The following MAST4 variants were observed in gnomAD, a reference collection of about 807,000 sequenced individuals.
MAST4 encodes microtubule-associated serine/threonine-protein kinase 4.
MAST4 carries 89 observed loss-of-function variants against 162.7 expected under a neutral mutation model. That is an observed-to-expected ratio of 0.55 (90% CI 0.46 to 0.65). MAST4 has a LOEUF of 0.65. MAST4 is among the 30% of genes least tolerant of loss of function. MAST4 has a pLI of 0.00. For synonymous variants in MAST4, 1,479 were observed against 1,361.1 expected, an observed-to-expected ratio of 1.09 and a Z score of -1.91; for missense variants, 3,153 against 3,374.0, an observed-to-expected ratio of 0.93 and a Z score of 1.62.
intron 4 of MAST4, among the ~76,000 whole-genome samples, chr5:67,021,288 G>A (rs1271371782): frequency 1.3e-5 from 2 of 152,124 alleles, no homozygotes; most frequent in Non-Finnish European, 2.9e-5. Flanking sequence ...TGAATTGAAT[G>A]TTGTGCATGT....
intron 1 of MAST4, among the ~76,000 whole-genome samples, chr5:66,693,700 TAAAC>T (rs1242552431): frequency 6.6e-6 from 1 of 151,946 alleles, no homozygotes; most frequent in Non-Finnish European, 1.5e-5. Flanking sequence ...TTAAGATTAT[TAAAC>T]AAAGAGCTAG....
intron 3 of MAST4, among the ~76,000 whole-genome samples, chr5:66,833,040 C>A (rs1757723202): frequency 6.6e-6 from 1 of 152,030 alleles, no homozygotes; most frequent in Non-Finnish European, 1.5e-5. Context: ...ATTTCCTGAT[C>A]CTTAGGGGAT....
chr5:66,625,408 C>T (rs539421940), intron 1 of MAST4, among the ~76,000 whole-genome samples: 2 of 152,260 alleles, frequency 1.3e-5, no homozygotes, highest in South Asian at 2.1e-4. Context: ...GGGATATAAC[C>T]CTTGTTGAGT....
chr5:66,955,161 G>C (rs1046296669), intron 4 of MAST4, among the ~76,000 whole-genome samples: 1 of 150,196 alleles, frequency 6.7e-6, no homozygotes. Context: ...GCAGTGAGCC[G>C]TAATAGTGCC....
intron 3 of MAST4, among the ~76,000 whole-genome samples, chr5:66,882,403 G>T (rs1481777984): frequency 6.6e-6 from 1 of 151,966 alleles, no homozygotes; most frequent in African/African-American, 2.4e-5. Context: ...CAGATCTTAG[G>T]CGTTCTTTAT....
In MAST4 at chr5:67,064,475, G is replaced by C. The variant is rs1250795957; in HGVS notation, c.763+9983G>C. ...CAGCATGTGCCCTAATGCAAGTCAA[G>C]GATTACTTTCCCCCAAAAGAGGGAG... On this transcript the variant is annotated intron_variant, in intron 5 of 28. Transcript: ENST00000403625. 2.0e-5 allele frequency among the ~76,000 whole-genome samples: 3 copies of C among 152,152 alleles called. No homozygotes were observed. The East Asian group carries it at 5.8e-4, about 29-fold the overall frequency.
intron 3 of MAST4, among the ~76,000 whole-genome samples, chr5:66,843,479 A>G (rs1167353498): frequency 1.3e-5 from 2 of 152,152 alleles, no homozygotes; most frequent in Admixed American, 6.5e-5. Flanking sequence ...TTTCTTAGCC[A>G]GATCCAAGAC....
At chr5:67,008,765 T>A (rs1170551629) in intron 4 of MAST4, among the ~76,000 whole-genome samples, 1 of 152,218 alleles carries the variant, frequency 6.6e-6, no homozygotes, top group African/African-American at 2.4e-5. Flanking sequence ...TTTTGGTAGT[T>A]GTTTTTTGCA....
intron 4 of MAST4, 49 bp downstream of exon 4, chr5:66,900,031 T>C (rs1424901875): frequency 7.8e-7 from 1 of 1,274,060 alleles, no homozygotes; most frequent in Middle Eastern, 2.7e-4. Flanking sequence ...TAATATATAG[T>C]TTATAGTATG....
chr5:67,038,755 G>T (rs1363113978), intron 4 of MAST4, among the ~76,000 whole-genome samples: 2 of 152,042 alleles, frequency 1.3e-5, no homozygotes, highest in Non-Finnish European at 2.9e-5. Context: ...AAATGAAAAT[G>T]ATTTCTTATT....
chr5:67,048,500 TA>T (rs1475833927), intron 4 of MAST4, among the ~76,000 whole-genome samples: 1 of 152,160 alleles, frequency 6.6e-6, no homozygotes, highest in Non-Finnish European at 1.5e-5. Context: ...AGTAACATAT[TA>T]AAACAGGTTC....
intron 1 of MAST4, among the ~76,000 whole-genome samples, chr5:66,608,571 G>A (rs559344153): frequency 6.6e-6 from 1 of 151,722 alleles, no homozygotes; most frequent in African/African-American, 2.4e-5. Context: ...AAGTGTTGAG[G>A]GTACTGTCTC....
intron 4 of MAST4, among the ~76,000 whole-genome samples, chr5:66,977,686 G>A (rs1006002854): frequency 2.0e-5 from 3 of 152,142 alleles, no homozygotes; most frequent in Non-Finnish European, 4.4e-5. Context: ...GTTTACATTA[G>A]CTGTTGTTTC....
At chr5:66,832,306 T>C (rs1757661529) in intron 3 of MAST4, among the ~76,000 whole-genome samples, 1 of 152,192 alleles carries the variant, frequency 6.6e-6, no homozygotes, top group African/African-American at 2.4e-5. Flanking sequence ...TATGATGCAG[T>C]TAAACATCAA....
At chr5:67,087,298 G>T (rs1763347500) in intron 5 of MAST4, among the ~76,000 whole-genome samples, 1 of 152,106 alleles carries the variant, frequency 6.6e-6, no homozygotes, top group Admixed American at 6.6e-5. Context: ...TTGCCCACCA[G>T]AATATCCTTT....
At position 66,759,864 on chromosome 5, in the gene MAST4, T is replaced by C. The variant is rs766900959; in HGVS notation, c.517+2T>C. 6.2e-7 allele frequency: 1 copy of C among 1,613,592 alleles called. No individual in the cohort carries two copies. Among genetic ancestry groups the C allele is most frequent in the Non-Finnish European group, 8.5e-7 (1 of 1,179,736 alleles). Reference sequence around the variant, plus strand: ...GGAGCCTGGGAGGAGCCCTGACTGGTGAGTCGCAGCGGCTTGGATGAGAGA... The same window carrying C: ...GGAGCCTGGGAGGAGCCCTGACTGGCGAGTCGCAGCGGCTTGGATGAGAGA... On this transcript the variant is annotated splice_donor_variant, in intron 2 of 28. Coordinates refer to ENST00000403625, the MANE Select transcript of MAST4 (RefSeq NM_001164664.2). LOFTEE classifies it high-confidence loss of function.
rs757679298 is a variant in MAST4, at chr5:67,165,875, C to T, written c.6696C>T (p.Leu2232=). 5.6e-6 allele frequency: 9 copies of T among 1,613,246 alleles called. No individual in the cohort carries two copies. Among genetic ancestry groups the T allele is most frequent in the African/African-American group, 5.3e-5 (4 of 74,952 alleles). ...GCAAAGAGCCTGCCACTCAGTCCCTCGGTGGCTCTAGCAGAGAGGGGAAGG... is the reference window on the plus strand; with the variant it reads ...GCAAAGAGCCTGCCACTCAGTCCCTTGGTGGCTCTAGCAGAGAGGGGAAGG... ...TKGKEPATQS[L]GGSSREGKGH... The change falls in exon 29 of 29, where the codon CTC becomes CTT. Residue 2232 remains leucine (L), a synonymous_variant. Transcript: ENST00000403625.
intron 14 of MAST4, among the ~76,000 whole-genome samples, chr5:67,126,933 T>G (rs965060685): frequency 1.3e-5 from 2 of 152,244 alleles, no homozygotes; most frequent in Non-Finnish European, 2.9e-5. Context: ...CAGTGGTTTG[T>G]AGTTCTCCTT....
At chr5:67,025,626 G>A (rs921231362) in intron 4 of MAST4, among the ~76,000 whole-genome samples, 7 of 152,080 alleles carry the variant, frequency 4.6e-5, no homozygotes, top group African/African-American at 1.2e-4. Flanking sequence ...ATTATCAGGG[G>A]CCTGGCATAA....
Sources: allele counts gnomAD v4.1 joint callset (sites outside exome capture counted in the v4.1 genomes callset), GRCh38; gene constraint gnomAD v4.1.1; transcripts MANE v1.5; gene names NCBI Gene and HGNC (gene_info 2026-07-23, HGNC 2026-07-21).